The following TMEM132D variants were observed in gnomAD, a reference collection of about 807,000 sequenced individuals.
TMEM132D encodes transmembrane protein 132D.
Under a neutral mutation model 62.3 loss-of-function variants are expected in TMEM132D, and 21 were observed. That is an observed-to-expected ratio of 0.34 (90% CI 0.24 to 0.49). The LOEUF (loss-of-function observed/expected upper bound fraction) is 0.49, where lower values mean the gene tolerates loss of function less well. TMEM132D is among the 20% of genes least tolerant of loss of function. The pLI is 0.99. For missense variants in TMEM132D, 1,346 were observed against 1,402.8 expected, an observed-to-expected ratio of 0.96 and a Z score of 0.65; for synonymous variants, 621 against 575.6, an observed-to-expected ratio of 1.08 and a Z score of -1.13.
intron 5 of TMEM132D, among the ~76,000 whole-genome samples, chr12:129,201,705 T>C (rs1262720752): frequency 1.3e-5 from 2 of 151,614 alleles, no homozygotes; most frequent in Non-Finnish European, 2.9e-5. Context: ...GACAGCTCTG[T>C]GAGAATGAAA....
At chr12:129,394,482 C>T (rs1871367820) in intron 3 of TMEM132D, among the ~76,000 whole-genome samples, 1 of 152,192 alleles carries the variant, frequency 6.6e-6, no homozygotes, top group Non-Finnish European at 1.5e-5. Flanking sequence ...ACAGCTACAC[C>T]TCTCCGGGCC....
chr12:129,805,468 C>T (rs1378447763), intron 1 of TMEM132D, among the ~76,000 whole-genome samples: 5 of 152,098 alleles, frequency 3.3e-5, no homozygotes, highest in African/African-American at 1.2e-4. Flanking sequence ...ATAAATGGTG[C>T]TGGGAAAACC....
At chr12:129,276,214 A>G (rs1246925898) in intron 4 of TMEM132D, among the ~76,000 whole-genome samples, 1 of 152,214 alleles carries the variant, frequency 6.6e-6, no homozygotes, top group Non-Finnish European at 1.5e-5. Flanking sequence ...TTCATTGACC[A>G]TTCTTCCACG....
chr12:129,638,556 A>AATAAAC (rs1879551185), intron 2 of TMEM132D, among the ~76,000 whole-genome samples: 1 of 44,982 alleles, frequency 2.2e-5, no homozygotes, highest in Non-Finnish European at 5.3e-5. Flanking sequence ...AACATATATA[A>AATAAAC]ATATATAAAC....
intron 3 of TMEM132D, among the ~76,000 whole-genome samples, chr12:129,400,823 G>A (rs554602260): frequency 4.9e-4 from 74 of 152,208 alleles, no homozygotes; most frequent in South Asian, 4.2e-3. Flanking sequence ...CATTTGAGTG[G>A]GAAAGCAACC....
At position 129,869,057 on chromosome 12, in the gene TMEM132D, GCTT is replaced by G. The variant is rs533176442; in HGVS notation, c.79+34201_79+34203del. 2.6e-4 allele frequency among the ~76,000 whole-genome samples: 24 copies of G among 93,286 alleles called. No individual in the cohort carries two copies. In the East Asian group the frequency reaches 9.9e-3, roughly 39 times the overall value. The allele number at this position is 93,286 out of a possible 152,430, so 61.2% of individuals were successfully genotyped here. On this transcript the variant is annotated intron_variant, in intron 1 of 8. Coordinates refer to ENST00000422113, the MANE Select transcript of TMEM132D (RefSeq NM_133448.3). ...TCCTCAGCCACTGTGTTTTTATTTT[GCTT>G]TGTGTTTTTTTTTTTTTAATATGAA...
At chr12:129,498,953 C>A (rs1875045039) in intron 3 of TMEM132D, among the ~76,000 whole-genome samples, 2 of 152,184 alleles carry the variant, frequency 1.3e-5, no homozygotes, top group African/African-American at 4.8e-5. Context: ...TTCTCTCTTT[C>A]TCTAGCAGCT....
chr12:129,298,651 C>A (rs570552568), intron 4 of TMEM132D, among the ~76,000 whole-genome samples: 1 of 152,174 alleles, frequency 6.6e-6, no homozygotes, highest in Non-Finnish European at 1.5e-5. Flanking sequence ...TTCTGGTAAC[C>A]AACGGTTCTA....
chr12:129,732,609 C>T (rs1869286734), intron 1 of TMEM132D, among the ~76,000 whole-genome samples: 1 of 152,224 alleles, frequency 6.6e-6, no homozygotes, highest in Non-Finnish European at 1.5e-5. Context: ...TGCTCCCTCC[C>T]ACTTCCCCTT....
chr12:129,318,727 C>T (rs1455969462), intron 4 of TMEM132D, among the ~76,000 whole-genome samples: 1 of 152,054 alleles, frequency 6.6e-6, no homozygotes, highest in African/African-American at 2.4e-5. Context: ...TAGGGAAGGA[C>T]CATTAGGTGG....
intron 5 of TMEM132D, among the ~76,000 whole-genome samples, chr12:129,137,345 A>C (rs1303153075): frequency 6.6e-6 from 1 of 152,198 alleles, no homozygotes; most frequent in African/African-American, 2.4e-5. Context: ...AAATTACTTC[A>C]TAGTCACTAA....
Position 129,223,736 on chromosome 12 carries a change from C to A in TMEM132D, c.1300-14073G>T, listed in dbSNP as rs915911147. 2.0e-5 allele frequency among the ~76,000 whole-genome samples: 3 copies of A among 152,182 alleles called. 1 individual carries two copies. Among genetic ancestry groups the A allele is most frequent in the Non-Finnish European group, 4.4e-5 (3 of 68,022 alleles). On this transcript the variant is annotated intron_variant, in intron 4 of 8. Coordinates refer to ENST00000422113, the MANE Select transcript of TMEM132D (RefSeq NM_133448.3). ...CTGGTGTTAGCTTCCTAACTTTTCT[C>A]ATTTCTAACTTTTACTTTTATACTC... is the stretch of plus-strand genomic sequence containing the variant.
intron 2 of TMEM132D, among the ~76,000 whole-genome samples, chr12:129,659,102 G>C (rs1156630680): frequency 1.3e-5 from 2 of 152,000 alleles, no homozygotes; most frequent in Admixed American, 1.3e-4. Context: ...TGTAGGGATG[G>C]GGTTTCGTCA....
At chr12:129,200,527 C>G (rs1007677592) in intron 5 of TMEM132D, among the ~76,000 whole-genome samples, 37 of 152,130 alleles carry the variant, frequency 2.4e-4, no homozygotes, top group Non-Finnish European at 4.4e-5. Flanking sequence ...CATTCCTGAG[C>G]TGAATATTTG....
At chr12:129,448,530 T>C (rs1374327986) in intron 3 of TMEM132D, among the ~76,000 whole-genome samples, 1 of 152,226 alleles carries the variant, frequency 6.6e-6, no homozygotes, top group East Asian at 1.9e-4. Flanking sequence ...TCCAGCTCCA[T>C]CCATGTTGCT....
chr12:129,346,425 ACT>A (rs1324328493), intron 3 of TMEM132D, among the ~76,000 whole-genome samples: 1 of 151,628 alleles, frequency 6.6e-6, no homozygotes, highest in Non-Finnish European at 1.5e-5. Flanking sequence ...GTTTTTCATG[ACT>A]CTGTCGCCTT....
intron 2 of TMEM132D, among the ~76,000 whole-genome samples, chr12:129,671,532 G>A (rs967034046): frequency 4.6e-5 from 7 of 152,156 alleles, no homozygotes; most frequent in African/African-American, 1.4e-4. Context: ...CACAGGAAAT[G>A]TAAGAATATG....
chr12:129,808,462 A>C (rs563742434), intron 1 of TMEM132D, among the ~76,000 whole-genome samples: 1 of 152,208 alleles, frequency 6.6e-6, no homozygotes, highest in Non-Finnish European at 1.5e-5. Context: ...TATCAGAAAA[A>C]CTTAAATTCA....
At chr12:129,896,613 C>T (rs1285204972) in intron 1 of TMEM132D, among the ~76,000 whole-genome samples, 2 of 152,172 alleles carry the variant, frequency 1.3e-5, no homozygotes, top group Admixed American at 6.5e-5. Flanking sequence ...TAAACATAAA[C>T]ATTTAATGTC....
Sources: gnomAD v4.1 joint callset for allele counts (sites outside exome capture counted in the v4.1 genomes callset) on GRCh38, gnomAD v4.1.1 for gene constraint, MANE v1.5 for transcripts, NCBI Gene and HGNC (gene_info 2026-07-23, HGNC 2026-07-21) for gene names.